Variants in NALF1 observed in about 807,000 individuals in gnomAD.
NALF1 encodes the protein NALCN channel auxiliary factor 1.
NALF1 carries 3 observed loss-of-function variants against 48.4 expected under a neutral mutation model. The observed-to-expected ratio is 0.06, with a 90% CI of 0.03 to 0.16. NALF1 has a LOEUF of 0.16. Ranked by LOEUF, NALF1 falls within the 10% of genes least tolerant of loss-of-function variation. The pLI is 1.00. For missense variants in NALF1, 526 were observed against 571.5 expected (o/e 0.92, Z 0.81); for synonymous variants, 262 against 245.7 (o/e 1.07, Z -0.62).
chr13:107,308,043 T>C (rs908873560), intron 1 of NALF1, among the ~76,000 whole-genome samples: 2 of 152,046 alleles, frequency 1.3e-5, no homozygotes, highest in Non-Finnish European at 2.9e-5. Context: ...TATTATAAAA[T>C]ATGTCATGTG....
At chr13:107,670,305 TACAC>T (rs141392620) in intron 1 of NALF1, among the ~76,000 whole-genome samples, 1 of 151,474 alleles carries the variant, frequency 6.6e-6, no homozygotes, top group East Asian at 1.9e-4. Context: ...GACACACAAG[TACAC>T]ACACACACAG....
chr13:107,646,581 TTAATTACTGAG>T (rs1880319930), intron 1 of NALF1, among the ~76,000 whole-genome samples: 1 of 152,160 alleles, frequency 6.6e-6, no homozygotes, highest in African/African-American at 2.4e-5. Flanking sequence ...TTCCTTATTC[TTAATTACTGAG>T]TAAAATATTT....
intron 1 of NALF1, among the ~76,000 whole-genome samples, chr13:107,398,489 A>T (rs1883751259): frequency 6.6e-6 from 1 of 152,148 alleles, no homozygotes. Flanking sequence ...AACTGAATGA[A>T]AGCATGTTAA....
chr13:107,705,530 A>G (rs1197999835), intron 1 of NALF1, among the ~76,000 whole-genome samples: 11 of 152,126 alleles, frequency 7.2e-5, no homozygotes, highest in African/African-American at 2.6e-4. Flanking sequence ...ATATATATGT[A>G]TATAATAGTC....
chr13:107,534,670 G>A (rs1453167263), intron 1 of NALF1, among the ~76,000 whole-genome samples: 1 of 152,096 alleles, frequency 6.6e-6, no homozygotes, highest in Non-Finnish European at 1.5e-5. Context: ...GCAGACCTCA[G>A]GCATCTCTCT....
intron 1 of NALF1, among the ~76,000 whole-genome samples, chr13:107,755,128 AT>A (rs879257519): frequency 1.0e-4 from 15 of 149,344 alleles, no homozygotes; most frequent in Admixed American, 2.0e-4. Flanking sequence ...AACAATTGTT[AT>A]TTTTTTTTTG....
chr13:107,416,046 G>A lies in NALF1; in HGVS notation c.916-205291C>T, dbSNP rs190824345. 1.1e-3 allele frequency among the ~76,000 whole-genome samples: 165 copies of A among 149,644 alleles called. 6 individuals carry two copies. The South Asian group carries it at 0.029, about 27-fold the overall frequency. On this transcript the variant is annotated intron_variant, in intron 1 of 2. Coordinates refer to ENST00000375915, the MANE Select transcript of NALF1 (RefSeq NM_001080396.3). ...TTTTGAGATGGTGTCTCGCTCTGTCGCCCAGGCTGGAGTGTAGAGGTGCAA... is the reference window on the plus strand; with the variant it reads ...TTTTGAGATGGTGTCTCGCTCTGTCACCCAGGCTGGAGTGTAGAGGTGCAA...
At chr13:107,557,423 T>TG (rs1415757786) in intron 1 of NALF1, among the ~76,000 whole-genome samples, 2 of 152,014 alleles carry the variant, frequency 1.3e-5, no homozygotes, top group Non-Finnish European at 2.9e-5. Context: ...TTGCATACCG[T>TG]GGGGAAGGCA....
intron 1 of NALF1, among the ~76,000 whole-genome samples, chr13:107,633,719 G>GTA (rs1314195021): frequency 1.7e-5 from 1 of 60,466 alleles, no homozygotes; most frequent in Non-Finnish European, 5.1e-5. Flanking sequence ...ATATATGTGT[G>GTA]TGTATATATA....
At chr13:107,790,437 T>A (rs941208512) in intron 1 of NALF1, among the ~76,000 whole-genome samples, 13 of 152,196 alleles carry the variant, frequency 8.5e-5, no homozygotes, top group African/African-American at 3.1e-4. Context: ...TAGAATAAAC[T>A]ATACATTGTC....
intron 1 of NALF1, among the ~76,000 whole-genome samples, chr13:107,708,277 C>T (rs1190288282): frequency 6.6e-6 from 1 of 152,046 alleles, no homozygotes; most frequent in Non-Finnish European, 1.5e-5. Context: ...TTTAAGTCAC[C>T]AACTTTTTTT....
intron 1 of NALF1, among the ~76,000 whole-genome samples, chr13:107,440,062 C>T (rs1401677155): frequency 6.6e-6 from 1 of 152,018 alleles, no homozygotes; most frequent in Non-Finnish European, 1.5e-5. Context: ...AACTGCAGTT[C>T]GGTTTATGTA....
intron 1 of NALF1, among the ~76,000 whole-genome samples, chr13:107,425,665 C>G (rs956753445): frequency 6.6e-6 from 1 of 151,976 alleles, no homozygotes; most frequent in Admixed American, 6.6e-5. Flanking sequence ...GGATATCTCT[C>G]TACTATGATT....
chr13:107,200,466 C>CA, intron 2 of NALF1, among the ~76,000 whole-genome samples: 1 of 152,198 alleles, frequency 6.6e-6, no homozygotes, highest in East Asian at 1.9e-4. Context: ...TGATCTGTGC[C>CA]AAAAATGGGT....
At position 107,775,423 on chromosome 13, in the gene NALF1, T is replaced by C. The variant is rs1163442391; in HGVS notation, c.915+90259A>G. 2.6e-5 allele frequency among the ~76,000 whole-genome samples: 4 copies of C among 151,118 alleles called. No homozygotes were observed. In the Admixed American group the frequency reaches 2.7e-4, roughly 10 times the overall value. On this transcript the variant is annotated intron_variant, in intron 1 of 2. Transcript: ENST00000375915. The stretch of plus-strand genomic sequence containing the variant: ...TGGCTGCATAGTATTCCATGGTGTA[T>C]ATGTGCCACATTTTCTTAATCCAGT...
intron 1 of NALF1, among the ~76,000 whole-genome samples, chr13:107,735,675 C>T (rs1296476522): frequency 2.0e-5 from 3 of 152,180 alleles, no homozygotes; most frequent in African/African-American, 7.2e-5. Context: ...AATACCCAAT[C>T]GCTTTAGTAA....
intron 1 of NALF1, among the ~76,000 whole-genome samples, chr13:107,680,948 AGT>A (rs140128926): frequency 0.13 from 17,018 of 129,650 alleles, 1,110 homozygotes; most frequent in Admixed American, 0.25. Context: ...TGAGTGTAAC[AGT>A]GTGTGTGTGT....
intron 1 of NALF1, among the ~76,000 whole-genome samples, chr13:107,344,692 G>A (rs1171462790): frequency 6.6e-6 from 1 of 151,942 alleles, no homozygotes; most frequent in Non-Finnish European, 1.5e-5. Flanking sequence ...ACATAATAAA[G>A]GTCATATATG....
At chr13:107,501,846 T>C (rs553348665) in intron 1 of NALF1, among the ~76,000 whole-genome samples, 2 of 152,332 alleles carry the variant, frequency 1.3e-5, no homozygotes, top group African/African-American at 2.4e-5. Flanking sequence ...ACTGAAAGGA[T>C]GGAACTCCTG....
Sources: gnomAD v4.1 joint callset for allele counts (sites outside exome capture counted in the v4.1 genomes callset) on GRCh38, gnomAD v4.1.1 for gene constraint, MANE v1.5 for transcripts, NCBI Gene and HGNC (gene_info 2026-07-23, HGNC 2026-07-21) for gene names.